FMNL2: variants seen among roughly 807,000 people sequenced by gnomAD.
The protein encoded by FMNL2 is formin like 2.
Under a neutral mutation model 130.2 loss-of-function variants are expected in FMNL2, and 51 were observed. That is an observed-to-expected ratio of 0.39 (90% CI 0.31 to 0.49). The LOEUF (loss-of-function observed/expected upper bound fraction) is 0.49. Among genes scored for constraint, FMNL2 ranks in the 20% least tolerant of loss-of-function variants. FMNL2 has a pLI of 0.85. For synonymous variants in FMNL2, 465 were observed against 467.1 expected (o/e 1.00, Z 0.06); for missense variants, 977 against 1,316.2 (o/e 0.74, Z 3.99).
intron 2 of FMNL2, among the ~76,000 whole-genome samples, chr2:152,532,899 C>T (rs1222011453): frequency 6.6e-6 from 1 of 152,214 alleles, no homozygotes; most frequent in Non-Finnish European, 1.5e-5. Context: ...TGAGCCACTG[C>T]GCCTGGCCTC....
intron 1 of FMNL2, among the ~76,000 whole-genome samples, chr2:152,343,573 G>A (rs1275972881): frequency 1.5e-4 from 1 of 6,658 alleles, no homozygotes; most frequent in Non-Finnish European, 1.3e-3. Context: ...TGGGATTACA[G>A]GCATAAGCCA....
At chr2:152,617,624 A>G (rs1335486753) in intron 13 of FMNL2, among the ~76,000 whole-genome samples, 4 of 152,166 alleles carry the variant, frequency 2.6e-5, no homozygotes, top group East Asian at 3.9e-4. Context: ...GTGAAATACA[A>G]CACAGGCTAG....
chr2:152,340,711 A>G (rs1010844801), intron 1 of FMNL2, among the ~76,000 whole-genome samples: 4 of 152,086 alleles, frequency 2.6e-5, no homozygotes. Context: ...TTTCTTTTTG[A>G]GATGGAGTCT....
At chr2:152,445,765 A>G (rs1688299826) in intron 1 of FMNL2, among the ~76,000 whole-genome samples, 1 of 152,136 alleles carries the variant, frequency 6.6e-6, no homozygotes, top group African/African-American at 2.4e-5. Flanking sequence ...ACATTTGGGA[A>G]TCACCACTGT....
chr2:152,621,771 T>C (rs570984171), intron 15 of FMNL2, among the ~76,000 whole-genome samples: 151 of 152,302 alleles, frequency 9.9e-4, no homozygotes, highest in Non-Finnish European at 1.6e-3. Flanking sequence ...GTTTTGCTAG[T>C]GTGTTGAGTA....
At chr2:152,511,927 A>G (rs1247994944) in intron 1 of FMNL2, among the ~76,000 whole-genome samples, 1 of 152,170 alleles carries the variant, frequency 6.6e-6, no homozygotes, top group Non-Finnish European at 1.5e-5. Flanking sequence ...TGGTATCTTC[A>G]GTTATCAAAT....
intron 2 of FMNL2, among the ~76,000 whole-genome samples, chr2:152,539,025 A>G (rs1694159411): frequency 6.6e-6 from 1 of 152,158 alleles, no homozygotes; most frequent in South Asian, 2.1e-4. Context: ...TTTGGTTGGC[A>G]GTCTTCCATT....
At chr2:152,485,231 G>A (rs769078192) in intron 1 of FMNL2, among the ~76,000 whole-genome samples, 1 of 152,096 alleles carries the variant, frequency 6.6e-6, no homozygotes, top group Non-Finnish European at 1.5e-5. Flanking sequence ...GGTGGCTCAC[G>A]CCTGTAATCC....
intron 1 of FMNL2, among the ~76,000 whole-genome samples, chr2:152,431,825 A>G (rs1490320271): frequency 2.0e-5 from 3 of 151,908 alleles, no homozygotes; most frequent in Non-Finnish European, 4.4e-5. Flanking sequence ...ATAGACAGAC[A>G]TGGTGGCACA....
At chr2:152,606,629 C>CTT (rs70974875) in intron 9 of FMNL2, among the ~76,000 whole-genome samples, 2 of 105,480 alleles carry the variant, frequency 1.9e-5, no homozygotes, top group Non-Finnish European at 3.8e-5. Flanking sequence ...TTTTTTGACT[C>CTT]TTTTTTTTTT....
intron 25 of FMNL2, chr2:152,643,438 T>C (rs937529182): frequency 2.0e-6 from 3 of 1,536,074 alleles, no homozygotes; most frequent in African/African-American, 2.7e-5. Context: ...CTGTGCCCTT[T>C]ACTGCTCGCA....
In FMNL2 at chr2:152,569,224, C is replaced by G. The variant is rs1696031384; in HGVS notation, c.597-5912C>G. ...CATAATTCAGCCTATGAACATGTAT[C>G]TGGCAAGAGAAATTCCTGATCTGTG... On this transcript the variant is annotated intron_variant, in intron 6 of 25. Coordinates refer to ENST00000288670, the MANE Select transcript of FMNL2 (RefSeq NM_052905.4). 2.0e-5 allele frequency among the ~76,000 whole-genome samples: 3 copies of G among 151,504 alleles called. No homozygotes were observed. The South Asian group carries it at 6.2e-4, about 32-fold the overall frequency.
chr2:152,649,266 G>C lies in FMNL2; in HGVS notation c.*1361G>C, dbSNP rs1683871967. On this transcript the variant is annotated 3_prime_UTR_variant, in exon 26 of 26. Coordinates refer to ENST00000288670, the MANE Select transcript of FMNL2 (RefSeq NM_052905.4). Reference sequence around the variant, plus strand: ...CTATAAAATCGGTGCAGTTTTTTATGGTTTTTACACTTCTCTTTAATTCCC... The same window carrying C: ...CTATAAAATCGGTGCAGTTTTTTATCGTTTTTACACTTCTCTTTAATTCCC... 1 of 152,360 alleles carries C rather than the reference G, an allele frequency of 6.6e-6. No individual in the cohort carries two copies. The highest frequency in any genetic ancestry group is 1.5e-5 in the Non-Finnish European group (1 of 67,962). 9.4% of individuals were successfully genotyped at this position (152,360 alleles called of 1,614,324 possible).
chr2:152,643,310 C>T, intron 25 of FMNL2: 12 of 1,450,620 alleles, frequency 8.3e-6, no homozygotes, highest in Non-Finnish European at 1.1e-5. Flanking sequence ...ATCTTCCCCA[C>T]CCCCATCCCC....
chr2:152,563,927 C>T (rs556347115), intron 6 of FMNL2, among the ~76,000 whole-genome samples: 2 of 152,236 alleles, frequency 1.3e-5, no homozygotes, highest in East Asian at 3.9e-4. Flanking sequence ...ACCGGAAAAT[C>T]TCATAAGTCT....
intron 13 of FMNL2, 139 bp from the exon 14 acceptor site, chr2:152,618,707 T>G: frequency 3.0e-6 from 2 of 672,582 alleles, no homozygotes; most frequent in Non-Finnish European, 2.4e-6. Flanking sequence ...AATGGGACTT[T>G]ATAGGTTCTA....
At chr2:152,574,864 T>A (rs771922574) in intron 6 of FMNL2, among the ~76,000 whole-genome samples, 1 of 152,154 alleles carries the variant, frequency 6.6e-6, no homozygotes, top group Non-Finnish European at 1.5e-5. Flanking sequence ...TTGGGTCTCA[T>A]TGGCTGTGTG....
rs1359933505 is a variant in FMNL2, at chr2:152,636,596, T to A, written c.2844+6T>A. The A allele has an allele frequency of 6.4e-7, 1 of 1,554,712 alleles. No homozygotes were observed. Among genetic ancestry groups the A allele is most frequent in the East Asian group, 2.4e-5 (1 of 41,238 alleles). ...ATGATGCCAAGATCGCACAGGCAAGTATTGGTGCCCCTGAAACCTGTGAAG... is the reference window on the plus strand; with the variant it reads ...ATGATGCCAAGATCGCACAGGCAAGAATTGGTGCCCCTGAAACCTGTGAAG... On this transcript the variant is annotated splice_donor_region_variant and intron_variant, in intron 22 of 25. Coordinates refer to ENST00000288670, the MANE Select transcript of FMNL2 (RefSeq NM_052905.4).
At chr2:152,480,115 C>A (rs532042489) in intron 1 of FMNL2, among the ~76,000 whole-genome samples, 4 of 152,264 alleles carry the variant, frequency 2.6e-5, no homozygotes, top group South Asian at 4.1e-4. Flanking sequence ...ACCTCTTCAG[C>A]CTGGACACCA....
Sources: gnomAD v4.1 joint callset for allele counts (sites outside exome capture counted in the v4.1 genomes callset) on GRCh38, gnomAD v4.1.1 for gene constraint, MANE v1.5 for transcripts, NCBI Gene and HGNC (gene_info 2026-07-23, HGNC 2026-07-21) for gene names.